Variants in PGLS observed in about 807,000 individuals in gnomAD.
PGLS encodes the protein 6-phosphogluconolactonase, also known as epididymis secretory protein Li 304.
Under a neutral mutation model 23.2 loss-of-function variants are expected in PGLS, and 21 were observed. That is an observed-to-expected ratio of 0.91 (90% CI 0.64 to 1.31). The LOEUF is 1.31. PGLS is among the 50% of genes most tolerant of loss of function. The pLI, the probability that PGLS is intolerant of heterozygous loss-of-function variation, is 0.00. For missense variants in PGLS, 410 were observed against 354.0 expected (o/e 1.16, Z -1.27); for synonymous variants, 179 against 165.4 (o/e 1.08, Z -0.63).
rs1398467781 is a variant in PGLS at position 17,511,937 on chromosome 19, G to A, written c.265G>A (p.Glu89Lys). 8 of 1,550,532 alleles carry A rather than the reference G, an allele frequency of 5.2e-6. No individual in the cohort carries two copies. The highest frequency in any genetic ancestry group is 7.0e-6 in the Non-Finnish European group (8 of 1,149,822). The change falls in exon 1 of 5, where the codon GAG becomes AAG. Residue 89 changes from glutamate (E) to lysine (K), a missense_variant. Glu to Lys is a moderately conservative substitution (Grantham distance 56). Coordinates refer to ENST00000252603, the MANE Select transcript of PGLS (RefSeq NM_012088.3). ...DERLVPFDHA[E>K]STYGLYRTHL... ...GCGCCTCGTGCCCTTCGATCACGCC[G>A]AGAGCACGTACGGCCTCTACCGGGT...
intron 1 of PGLS, among the ~76,000 whole-genome samples, chr19:17,514,454 T>TCCTTCCTC (rs1167457903): frequency 6.6e-6 from 1 of 151,630 alleles, no homozygotes; most frequent in African/African-American, 2.4e-5. Context: ...TTCCCTTCCT[T>TCCTTCCTC]CCTTCCTCCC....
At position 17,520,955 on chromosome 19, in the gene PGLS, G is replaced by T; in HGVS notation, c.651G>T (p.Glu217Asp). Reference sequence around the variant, plus strand: ...GCCCTCTTCTTCAGCGCATTTTGGAGGACCAGGAGGAAAACCCGCTGCCCG... The same window carrying T: ...GCCCTCTTCTTCAGCGCATTTTGGATGACCAGGAGGAAAACCCGCTGCCCG... ...GKAAVLKRILEDQEENPLPAA... is the reference protein window; with the variant it reads ...GKAAVLKRILDDQEENPLPAA... Residue 217 changes from glutamate (E) to aspartate (D), a missense_variant, in exon 5 of 5, where the codon GAG becomes GAT. Glu to Asp is a conservative substitution (Grantham distance 45, BLOSUM62 2). Coordinates refer to ENST00000252603, the MANE Select transcript of PGLS (RefSeq NM_012088.3). 6.3e-7 allele frequency: 1 copy of T among 1,596,118 alleles called. No individual in the cohort carries two copies. The highest frequency in any genetic ancestry group is 1.7e-5 in the Admixed American group (1 of 57,726).
At chr19:17,519,367 A>G (rs1167893739) in intron 4 of PGLS, among the ~76,000 whole-genome samples, 2 of 151,546 alleles carry the variant, frequency 1.3e-5, no homozygotes, top group Non-Finnish European at 2.9e-5. Context: ...TGAAGATTCT[A>G]TGAAGTTCAG....
chr19:17,512,607 T>A lies in PGLS; in HGVS notation c.288+647T>A, dbSNP rs1191859129. The A allele has an allele frequency of 2.6e-5, 4 of 152,380 alleles. No homozygotes were observed. In the East Asian group the frequency reaches 7.7e-4, roughly 29 times the overall value. 9.4% of individuals were successfully genotyped at this position (152,380 alleles called of 1,614,324 possible). A position where few individuals can be genotyped will look rare whatever the true frequency, so the allele number is the denominator to read the frequency against. ...GCTTTGCCGCTCTGATGGCTCTGCTTCCAGGCTGTTCATCTTTGGCTTTGA... is the reference window on the plus strand; with the variant it reads ...GCTTTGCCGCTCTGATGGCTCTGCTACCAGGCTGTTCATCTTTGGCTTTGA... On this transcript the variant is annotated intron_variant, in intron 1 of 4. Coordinates refer to ENST00000252603, the MANE Select transcript of PGLS (RefSeq NM_012088.3).
At chr19:17,517,939 C>A in intron 4 of PGLS, 89 bp downstream of exon 4, 2 of 1,288,014 alleles carry the variant, frequency 1.6e-6, no homozygotes, top group Non-Finnish European at 2.1e-6. Flanking sequence ...TGTGCTGAAG[C>A]ATCAGATCTG....
intron 1 of PGLS, chr19:17,512,935 C>T (rs1379618901): frequency 6.6e-6 from 1 of 152,254 alleles, no homozygotes; most frequent in Non-Finnish European, 1.5e-5. Context: ...ATGTTACACT[C>T]ATTTCACAGA....
intron 1 of PGLS, among the ~76,000 whole-genome samples, chr19:17,513,742 G>A (rs1312438012): frequency 6.6e-6 from 1 of 152,042 alleles, no homozygotes; most frequent in African/African-American, 2.4e-5. Context: ...TCGCTTGAAT[G>A]TGGGAGGCAG....
chr19:17,519,757 G>A (rs1324273141), intron 4 of PGLS, among the ~76,000 whole-genome samples: 1 of 152,138 alleles, frequency 6.6e-6, no homozygotes, highest in East Asian at 1.9e-4. Flanking sequence ...GTCTGCAGCT[G>A]TTCTGGGGCC....
At position 17,520,973 on chromosome 19, in the gene PGLS, G is replaced by C; in HGVS notation, c.669G>C (p.Pro223=). 6.3e-7 allele frequency: 1 copy of C among 1,597,124 alleles called. No homozygotes were observed. The highest frequency in any genetic ancestry group is 8.5e-7 in the Non-Finnish European group (1 of 1,171,334). Residue 223 remains proline, a synonymous_variant, in exon 5 of 5, where the codon CCG becomes CCC. Transcript: ENST00000252603. ...KRILEDQEEN[P]LPAALVQPHT... ...TTTTGGAGGACCAGGAGGAAAACCC[G>C]CTGCCCGCCGCCCTGGTCCAGCCCC...
At chr19:17,517,425 G>A in intron 3 of PGLS, 36 bp downstream of exon 3, 6 of 1,501,764 alleles carry the variant, frequency 4.0e-6, no homozygotes, top group Non-Finnish European at 5.5e-6. Context: ...CCCTAGTCCT[G>A]AGCCCAGTCC....
intron 2 of PGLS, 81 bp from the exon 3 acceptor site, chr19:17,517,207 G>C: frequency 2.3e-6 from 2 of 851,966 alleles, no homozygotes; most frequent in Non-Finnish European, 3.9e-6. Context: ...TTTTTTATCT[G>C]ACAACTGTTT....
intron 1 of PGLS, among the ~76,000 whole-genome samples, chr19:17,513,704 G>C (rs561303967): frequency 1.3e-5 from 2 of 151,920 alleles, no homozygotes; most frequent in Non-Finnish European, 2.9e-5. Flanking sequence ...CTGTAATCCC[G>C]GCTACAGGGG....
At chr19:17,516,598 T>C (rs1209616880) in intron 2 of PGLS, 10 of 905,778 alleles carry the variant, frequency 1.1e-5, no homozygotes, top group Admixed American at 8.9e-5. Context: ...TTTTTTTTTT[T>C]CTTTGAGACG....
At chr19:17,519,336 G>A (rs990029797) in intron 4 of PGLS, among the ~76,000 whole-genome samples, 2 of 150,230 alleles carry the variant, frequency 1.3e-5, no homozygotes, top group African/African-American at 4.9e-5. Context: ...AAAATCAAAT[G>A]AATAATACTC....
intron 4 of PGLS, among the ~76,000 whole-genome samples, chr19:17,519,300 A>G (rs2075546994): frequency 7.3e-6 from 1 of 137,424 alleles, no homozygotes; most frequent in Admixed American, 7.5e-5. Context: ...GGCGACAAGA[A>G]CGAAACTCAG....
In PGLS at chr19:17,516,158, C is replaced by T. The variant is rs779607757; in HGVS notation, c.289-15C>T. On this transcript the variant is annotated splice_polypyrimidine_tract_variant and intron_variant, in intron 1 of 4. Coordinates refer to ENST00000252603, the MANE Select transcript of PGLS (RefSeq NM_012088.3). ...CACGTTACTGTTGGTGACATTGTCC[C>T]TCTGTTGGCTGCAGACGCATCTTCT... 6.9e-6 allele frequency: 11 copies of T among 1,603,188 alleles called. No individual in the cohort carries two copies. The highest frequency in any genetic ancestry group is 7.7e-6 in the Non-Finnish European group (9 of 1,170,396).
rs11086075 is a variant in PGLS, at chr19:17,511,805, C to T, written c.133C>T (p.Leu45=). 662,354 of 1,504,006 alleles carry T rather than the reference C, an allele frequency of 0.44. 148,044 individuals are homozygous for T. Among genetic ancestry groups the T allele is most frequent in the Non-Finnish European group, 0.46 (518,369 of 1,131,400 alleles). The allele number at this position is 1,504,006 out of a possible 1,614,324, so 93.2% of individuals were successfully genotyped here. Residue 45 remains leucine, a synonymous_variant, in exon 1 of 5, where the codon CTG becomes TTG. Transcript: ENST00000252603. ...AGARARFALG[L]SGGSLVSMLA... is the part of the protein sequence containing the mutation. ...GGCCCGCGCCCGTTTCGCGCTCGGC[C>T]TGTCGGGCGGGAGCCTCGTCTCGAT...
Position 17,516,823 on chromosome 19 carries a change from G to T in PGLS, c.397-465G>T, listed in dbSNP as rs377181026. On this transcript the variant is annotated intron_variant, in intron 2 of 4. Transcript: ENST00000252603. ...AGGATGGTCTCGATCTCCTGACCTC[G>T]TGATCCGCCCACCTTGGCCTCCAAA... Among the ~76,000 whole-genome samples, 11 of 150,712 alleles carry T rather than the reference G, an allele frequency of 7.3e-5. No individual in the cohort carries two copies. In the South Asian group the frequency reaches 2.1e-3, roughly 29 times the overall value.
At chr19:17,519,496 T>G (rs2075547896) in intron 4 of PGLS, among the ~76,000 whole-genome samples, 1 of 151,526 alleles carries the variant, frequency 6.6e-6, no homozygotes, top group African/African-American at 2.4e-5. Flanking sequence ...ACCTCCCGGG[T>G]TCAAGTGCTT....
Sources: gnomAD v4.1 joint callset for allele counts (sites outside exome capture counted in the v4.1 genomes callset) on GRCh38, gnomAD v4.1.1 for gene constraint, MANE v1.5 for transcripts, NCBI Gene and HGNC (gene_info 2026-07-23, HGNC 2026-07-21) for gene names.